Variants in KDM4C observed in about 807,000 individuals in gnomAD.
KDM4C encodes lysine demethylase 4C, also known as lysine-specific demethylase 4C.
KDM4C carries 81 observed loss-of-function variants against 129.3 expected under a neutral mutation model. That is an observed-to-expected ratio of 0.63 (90% CI 0.52 to 0.75). The LOEUF (loss-of-function observed/expected upper bound fraction) is 0.75. Ranked by LOEUF, KDM4C falls within the 30% of genes least tolerant of loss-of-function variation. KDM4C has a pLI of 0.00. For synonymous variants in KDM4C, 573 were observed against 456.1 expected (o/e 1.26, Z -3.26); for missense variants, 1,457 against 1,304.0 (o/e 1.12, Z -1.81).
At chr9:7,135,209 A>C (rs1271771652) in intron 19 of KDM4C, among the ~76,000 whole-genome samples, 1 of 151,992 alleles carries the variant, frequency 6.6e-6, no homozygotes, top group African/African-American at 2.4e-5. Flanking sequence ...CCCATGCAGG[A>C]GATTCAGTAG....
chr9:6,817,194 T>TAC (rs1491402818), intron 4 of KDM4C, among the ~76,000 whole-genome samples: 1 of 10,668 alleles, frequency 9.4e-5, no homozygotes, highest in Admixed American at 9.0e-4. Context: ...CCCCTCCCCC[T>TAC]GCCCCCCCCC....
chr9:7,117,181 A>T (rs1838995491), intron 18 of KDM4C, among the ~76,000 whole-genome samples: 1 of 151,670 alleles, frequency 6.6e-6, no homozygotes, highest in Admixed American at 6.6e-5. Flanking sequence ...TTTAGTAGTC[A>T]TTTTTCTAAT....
chr9:7,123,972 T>C (rs1201449091), intron 18 of KDM4C, among the ~76,000 whole-genome samples: 2 of 152,192 alleles, frequency 1.3e-5, no homozygotes, highest in Non-Finnish European at 2.9e-5. Context: ...TCACCTGAGC[T>C]GAAGGTCTCA....
chr9:6,981,052 C>T lies in KDM4C; in HGVS notation c.1049C>T (p.Pro350Leu), dbSNP rs376367755. 8.7e-5 allele frequency: 140 copies of T among 1,613,602 alleles called. No individual in the cohort carries two copies. Among genetic ancestry groups the T allele is most frequent in the Non-Finnish European group, 1.1e-4 (133 of 1,179,790 alleles). ...IYTIDHTKPT[P>L]ASTPEVKAWL... Reference sequence around the variant, plus strand: ...ACCATTGATCACACGAAGCCTACTCCAGCATCCACCCCTGAAGTAAAAGCA... The same window carrying T: ...ACCATTGATCACACGAAGCCTACTCTAGCATCCACCCCTGAAGTAAAAGCA... The change falls in exon 9 of 22, where the codon CCA becomes CTA. Residue 350 changes from proline to leucine, a missense_variant. Coordinates refer to ENST00000381309, the MANE Select transcript of KDM4C (RefSeq NM_015061.6).
rs1017778170 is a variant in KDM4C at position 6,876,216 on chromosome 9, C to T, written c.630-3796C>T. 2.0e-5 allele frequency among the ~76,000 whole-genome samples: 3 copies of T among 152,168 alleles called. No homozygotes were observed. The East Asian group carries it at 5.8e-4, about 29-fold the overall frequency. ...GTGGGGGGCAGCAAGTCAGGCTCAC[C>T]TCATTGCCTTGTAGCCATCATTTAC... is the stretch of plus-strand genomic sequence containing the variant. On this transcript the variant is annotated intron_variant, in intron 5 of 21. Coordinates refer to ENST00000381309, the MANE Select transcript of KDM4C (RefSeq NM_015061.6).
chr9:7,011,183 C>G lies in KDM4C; in HGVS notation c.1787-515C>G, dbSNP rs556339343. ...TATATTGCTTGGTACTTTATAGCTG[C>G]TCTGTAAATGTTAATTGTAATAAAT... On this transcript the variant is annotated intron_variant, in intron 12 of 21. Transcript: ENST00000381309. 2.0e-5 allele frequency among the ~76,000 whole-genome samples: 3 copies of G among 152,236 alleles called. No individual in the cohort carries two copies. The South Asian group carries it at 6.2e-4, about 32-fold the overall frequency.
At chr9:6,765,806 G>A (rs377401919) in intron 1 of KDM4C, among the ~76,000 whole-genome samples, 4 of 152,008 alleles carry the variant, frequency 2.6e-5, no homozygotes, top group African/African-American at 9.6e-5. Context: ...TTTTTTGCAG[G>A]GGGATGGAGT....
Position 6,858,251 on chromosome 9 carries a change from A to G in KDM4C, c.629+8551A>G, listed in dbSNP as rs912436015. On this transcript the variant is annotated intron_variant, in intron 5 of 21. Transcript: ENST00000381309. ...TTATTTTGTTATTAGCAATGTTCCAAATTTGCATATTAATGAATTACTGCT... is the reference window on the plus strand; with the variant it reads ...TTATTTTGTTATTAGCAATGTTCCAGATTTGCATATTAATGAATTACTGCT... Among the ~76,000 whole-genome samples, 8 of 117,028 alleles carry G rather than the reference A, an allele frequency of 6.8e-5. No homozygotes were observed. In the East Asian group the frequency reaches 9.2e-4, roughly 13 times the overall value. The allele number at this position is 117,028 out of a possible 152,430, so 76.8% of individuals were successfully genotyped here. A position where few individuals can be genotyped will look rare whatever the true frequency, so the allele number is the denominator to read the frequency against.
chr9:7,150,125 C>A (rs532609623), intron 19 of KDM4C, among the ~76,000 whole-genome samples: 1 of 152,300 alleles, frequency 6.6e-6, no homozygotes, highest in East Asian at 1.9e-4. Context: ...ACCAGCTATG[C>A]GAGCCCAAAC....
intron 3 of KDM4C, among the ~76,000 whole-genome samples, chr9:6,808,639 C>T (rs1830575800): frequency 6.8e-6 from 1 of 146,222 alleles, no homozygotes; most frequent in Non-Finnish European, 1.5e-5. Context: ...CCACTATTGT[C>T]CCATGACCCT....
chr9:7,025,942 T>C (rs779860054), intron 15 of KDM4C, among the ~76,000 whole-genome samples: 5 of 152,180 alleles, frequency 3.3e-5, no homozygotes, highest in Non-Finnish European at 7.4e-5. Flanking sequence ...CGGTGGCCCA[T>C]GCCTGTAATC....
At position 6,793,024 on chromosome 9, in the gene KDM4C, C is replaced by T. The variant is rs189346346; in HGVS notation, c.36C>T (p.Pro12=). 9.9e-6 allele frequency: 16 copies of T among 1,614,162 alleles called. No homozygotes were observed. In the Admixed American group the frequency reaches 2.7e-4, roughly 27 times the overall value. Residue 12 remains proline, a synonymous_variant, in exon 2 of 22, where the codon CCC becomes CCT. Transcript: ENST00000381309. The part of the protein sequence containing the change: ...EVAEVESPLN[P]SCKIMTFRPS... ...CCGAGGTGGAAAGTCCTCTGAACCC[C>T]AGCTGTAAGATAATGACCTTCAGAC...
At chr9:6,736,586 G>C (rs1817534518) in intron 1 of KDM4C, among the ~76,000 whole-genome samples, 3 of 152,062 alleles carry the variant, frequency 2.0e-5, no homozygotes, top group Admixed American at 2.0e-4. Flanking sequence ...TTGAGCCTAT[G>C]GGTGCACAGA....
intron 1 of KDM4C, among the ~76,000 whole-genome samples, chr9:6,772,637 A>T (rs1164310871): frequency 6.6e-6 from 1 of 151,342 alleles, no homozygotes; most frequent in East Asian, 1.9e-4. Context: ...CTGGGATTAC[A>T]GGTGTGAGCC....
chr9:6,779,423 C>G (rs1208346765), intron 1 of KDM4C, among the ~76,000 whole-genome samples: 2 of 150,846 alleles, frequency 1.3e-5, no homozygotes, highest in South Asian at 4.2e-4. Context: ...GCAGAAGTAG[C>G]TTGGGTCTGA....
At chr9:6,877,479 C>T (rs754708770) in intron 5 of KDM4C, among the ~76,000 whole-genome samples, 64 of 152,346 alleles carry the variant, frequency 4.2e-4, no homozygotes, top group African/African-American at 6.3e-4. Flanking sequence ...GGATTACAGG[C>T]GTGAGCCACC....
At chr9:6,973,203 C>T (rs1263982414) in intron 8 of KDM4C, among the ~76,000 whole-genome samples, 1 of 151,958 alleles carries the variant, frequency 6.6e-6, no homozygotes, top group Non-Finnish European at 1.5e-5. Flanking sequence ...TGTTAAATTT[C>T]TGCTGCTGCT....
At chr9:6,941,382 C>G (rs1361957192) in intron 8 of KDM4C, among the ~76,000 whole-genome samples, 1 of 151,850 alleles carries the variant, frequency 6.6e-6, no homozygotes, top group Non-Finnish European at 1.5e-5. Flanking sequence ...TTGTTCTTTT[C>G]TTGTAAATTT....
At chr9:7,127,013 A>G (rs755178491) in intron 18 of KDM4C, among the ~76,000 whole-genome samples, 6 of 152,136 alleles carry the variant, frequency 3.9e-5, no homozygotes, top group South Asian at 2.1e-4. Context: ...CATAATGACA[A>G]TGGGTGGATA....
Sources: gnomAD v4.1 joint callset for allele counts (sites outside exome capture counted in the v4.1 genomes callset) on GRCh38, gnomAD v4.1.1 for gene constraint, MANE v1.5 for transcripts, NCBI Gene and HGNC (gene_info 2026-07-23, HGNC 2026-07-21) for gene names.